Variants in CNTNAP2 observed in about 807,000 individuals in gnomAD.
The protein encoded by CNTNAP2 is contactin-associated protein-like 2.
A neutral mutation model predicts 155.2 loss-of-function variants in CNTNAP2; 98 were observed. That is an observed-to-expected ratio of 0.63 (90% CI 0.54 to 0.75). The LOEUF (loss-of-function observed/expected upper bound fraction) is 0.75, where lower values mean the gene tolerates loss of function less well. Among genes scored for constraint, CNTNAP2 ranks in the 30% least tolerant of loss-of-function variants. The probability of loss-of-function intolerance (pLI) is 0.00; values close to 1 mark genes in which losing one functional copy is unlikely to be tolerated. For missense variants in CNTNAP2, 1,727 were observed against 1,688.1 expected, an observed-to-expected ratio of 1.02 and a Z score of -0.40; for synonymous variants, 651 against 631.2, an observed-to-expected ratio of 1.03 and a Z score of -0.47.
intron 1 of CNTNAP2, among the ~76,000 whole-genome samples, chr7:146,536,154 A>G (rs1797865485): frequency 1.3e-5 from 2 of 152,062 alleles, no homozygotes; most frequent in African/African-American, 4.8e-5. Context: ...GTAGATTGTT[A>G]TTTTTGAACC....
At chr7:146,930,083 A>G (rs1250313682) in intron 3 of CNTNAP2, among the ~76,000 whole-genome samples, 1 of 152,126 alleles carries the variant, frequency 6.6e-6, no homozygotes, top group Non-Finnish European at 1.5e-5. Flanking sequence ...CAGGAAATAC[A>G]GAGAACGCCA....
chr7:147,505,843 A>G (rs1798896837), intron 11 of CNTNAP2, among the ~76,000 whole-genome samples: 1 of 152,108 alleles, frequency 6.6e-6, no homozygotes, highest in Non-Finnish European at 1.5e-5. Context: ...CCTTTTGGAG[A>G]AAGTCTGAGT....
intron 11 of CNTNAP2, among the ~76,000 whole-genome samples, chr7:147,561,261 G>C (rs1344385256): frequency 3.3e-5 from 5 of 152,142 alleles, no homozygotes; most frequent in African/African-American, 7.2e-5. Flanking sequence ...AGACTTCACT[G>C]CTTTTGTATC....
At chr7:147,980,933 CAAAAAAAAAAA>C (rs34927518) in intron 15 of CNTNAP2, among the ~76,000 whole-genome samples, 2 of 94,006 alleles carry the variant, frequency 2.1e-5, no homozygotes, top group African/African-American at 8.8e-5. Context: ...TCCATCTTAA[CAAAAAAAAAAA>C]AAAAAAAAAA....
chr7:148,154,647 A>AC (rs1256574395), intron 17 of CNTNAP2, among the ~76,000 whole-genome samples: 1 of 152,212 alleles, frequency 6.6e-6, no homozygotes, highest in Non-Finnish European at 1.5e-5. Flanking sequence ...TAAAAGATGT[A>AC]CAACTCAGGC....
At position 147,171,321 on chromosome 7, in the gene CNTNAP2, TA is replaced by T. The variant is rs199665749; in HGVS notation, c.1348+38815del. ...GGTATTTTCTCTCTGAAGATCTTTT[TA>T]AATTACAGTGGTTTAGAGGTGGTAG... On this transcript the variant is annotated intron_variant, in intron 8 of 23. Transcript: ENST00000361727. Among the ~76,000 whole-genome samples the T allele has an allele frequency of 3.8e-3, 581 of 152,312 alleles. 7 individuals are homozygous for T. Among genetic ancestry groups the T allele is most frequent in the African/African-American group, 0.013 (556 of 41,560 alleles).
intron 2 of CNTNAP2, among the ~76,000 whole-genome samples, chr7:146,803,373 G>C (rs962343035): frequency 2.6e-5 from 4 of 152,212 alleles, no homozygotes; most frequent in Non-Finnish European, 5.9e-5. Flanking sequence ...AGAAAGCATA[G>C]TTGCAAGAAC....
intron 15 of CNTNAP2, among the ~76,000 whole-genome samples, chr7:148,089,243 A>G (rs1379202259): frequency 6.6e-6 from 1 of 152,072 alleles, no homozygotes; most frequent in East Asian, 1.9e-4. Context: ...AAGATTAGGA[A>G]GAAGACAAGG....
chr7:146,363,182 A>G (rs536071541), intron 1 of CNTNAP2, among the ~76,000 whole-genome samples: 1 of 152,274 alleles, frequency 6.6e-6, no homozygotes, highest in Non-Finnish European at 1.5e-5. Context: ...TTTTCTAATA[A>G]TCTTATGACA....
intron 1 of CNTNAP2, among the ~76,000 whole-genome samples, chr7:146,407,402 C>G (rs1795807740): frequency 6.6e-6 from 1 of 152,126 alleles, no homozygotes; most frequent in South Asian, 2.1e-4. Context: ...ACATTCAAGT[C>G]TCATGAAATG....
intron 8 of CNTNAP2, among the ~76,000 whole-genome samples, chr7:147,265,376 A>G (rs1025781677): frequency 1.3e-5 from 2 of 152,072 alleles, no homozygotes; most frequent in Non-Finnish European, 2.9e-5. Context: ...ATTTCAGCAC[A>G]CCAGCTGTGG....
At chr7:147,096,424 C>G (rs1800535649) in intron 4 of CNTNAP2, among the ~76,000 whole-genome samples, 1 of 152,190 alleles carries the variant, frequency 6.6e-6, no homozygotes, top group African/African-American at 2.4e-5. Flanking sequence ...ACAACATATC[C>G]CAAACACTGC....
intron 12 of CNTNAP2, among the ~76,000 whole-genome samples, chr7:147,593,782 C>A (rs990875132): frequency 6.6e-6 from 1 of 152,280 alleles, no homozygotes. Context: ...TTGCTTCAGA[C>A]TGTTTAGTGT....
At chr7:148,188,561 G>A (rs1456320018) in intron 18 of CNTNAP2, among the ~76,000 whole-genome samples, 1 of 152,200 alleles carries the variant, frequency 6.6e-6, no homozygotes, top group African/African-American at 2.4e-5. Context: ...CTGGCAAAAA[G>A]AGAGGAAACT....
intron 13 of CNTNAP2, among the ~76,000 whole-genome samples, chr7:147,642,099 A>G (rs1795289485): frequency 1.3e-5 from 2 of 152,188 alleles, no homozygotes; most frequent in East Asian, 1.9e-4. Context: ...AAGGGCAATA[A>G]GAGCCACTAA....
intron 21 of CNTNAP2, among the ~76,000 whole-genome samples, chr7:148,293,723 C>T (rs1160572160): frequency 1.3e-5 from 2 of 152,074 alleles, no homozygotes; most frequent in Admixed American, 6.6e-5. Context: ...ATTCCCTATG[C>T]TTTCAAGTTT....
chr7:146,531,654 T>C (rs930322200), intron 1 of CNTNAP2, among the ~76,000 whole-genome samples: 10 of 152,122 alleles, frequency 6.6e-5, no homozygotes, highest in Non-Finnish European at 1.5e-4. Flanking sequence ...CAAGTGATTC[T>C]CCTGCCTCAG....
intron 8 of CNTNAP2, among the ~76,000 whole-genome samples, chr7:147,242,736 G>T (rs936828906): frequency 1.3e-5 from 2 of 151,886 alleles, no homozygotes; most frequent in African/African-American, 4.8e-5. Flanking sequence ...TAAAAATAAG[G>T]CTGCTAACTA....
At chr7:146,867,525 G>A (rs1050314628) in intron 3 of CNTNAP2, among the ~76,000 whole-genome samples, 1 of 151,868 alleles carries the variant, frequency 6.6e-6, no homozygotes, top group African/African-American at 2.4e-5. Flanking sequence ...TATACCTCTG[G>A]GTATATACCT....
Sources: gnomAD v4.1 joint callset for allele counts (sites outside exome capture counted in the v4.1 genomes callset) on GRCh38, gnomAD v4.1.1 for gene constraint, MANE v1.5 for transcripts, NCBI Gene and HGNC (gene_info 2026-07-23, HGNC 2026-07-21) for gene names.